Variants in TOPBP1 observed in about 807,000 individuals in gnomAD.
The protein encoded by TOPBP1 is DNA topoisomerase II binding protein 1, also known as DNA topoisomerase 2-binding protein 1.
In TOPBP1, 28 loss-of-function variants were observed where a neutral mutation model predicts 167.7. That is an observed-to-expected ratio of 0.17 (90% confidence interval 0.12 to 0.23). The LOEUF (loss-of-function observed/expected upper bound fraction) is 0.23. Ranked by LOEUF, TOPBP1 falls within the 10% of genes least tolerant of loss-of-function variation. The pLI is 1.00. For synonymous variants in TOPBP1, 598 were observed against 611.4 expected (o/e 0.98, Z 0.32); for missense variants, 1,554 against 1,809.6 (o/e 0.86, Z 2.56).
chr3:133,603,432 G>C lies in TOPBP1; in HGVS notation c.4426-2039C>G, dbSNP rs60654922. Among the ~76,000 whole-genome samples the C allele has an allele frequency of 2.8e-3, 415 of 150,380 alleles. 1 individual carries two copies. Among genetic ancestry groups the C allele is most frequent in the African/African-American group, 9.7e-3 (398 of 40,976 alleles). On this transcript the variant is annotated intron_variant, in intron 27 of 27. Coordinates refer to ENST00000260810, the MANE Select transcript of TOPBP1 (RefSeq NM_007027.4). ...TACATGATGGACTAAACACTCCAAA[G>C]AAAAAAAAAGCAAGGCCCAACTATA... is the stretch of plus-strand genomic sequence containing the variant.
chr3:133,624,334 C>A (rs1169303708), intron 16 of TOPBP1, among the ~76,000 whole-genome samples, 159 bp from the exon 17 acceptor site: 1 of 152,154 alleles, frequency 6.6e-6, no homozygotes, highest in Non-Finnish European at 1.5e-5. Flanking sequence ...CCAAGTGATA[C>A]ATGCCTATAG....
At chr3:133,658,826 C>A (rs1399963087) in intron 3 of TOPBP1, among the ~76,000 whole-genome samples, 190 bp downstream of exon 3, 4 of 151,076 alleles carry the variant, frequency 2.6e-5, no homozygotes, top group African/African-American at 9.9e-5. Context: ...AAAACAAAAA[C>A]AAACAAACAA....
rs143060768 is a variant in TOPBP1 at position 133,642,668 on chromosome 3, C to T, written c.2021+532G>A. ...ATGTCTTGTCCCTTTATTGTGTGAT[C>T]GACTATTGATGTTCAATGCCTAGAT... On this transcript the variant is annotated intron_variant, in intron 12 of 27. Transcript: ENST00000260810. Among the ~76,000 whole-genome samples the T allele has an allele frequency of 2.6e-5, 4 of 152,166 alleles. No individual in the cohort carries two copies. In the East Asian group the frequency reaches 5.8e-4, roughly 22 times the overall value.
chr3:133,652,428 T>C (rs750941148), intron 8 of TOPBP1, 35 bp downstream of exon 8: 2 of 1,605,478 alleles, frequency 1.2e-6, no homozygotes, highest in Non-Finnish European at 1.7e-6. Flanking sequence ...CTAATGTATA[T>C]CATCTACTGC....
chr3:133,646,511 C>T (rs1363105418), intron 10 of TOPBP1, among the ~76,000 whole-genome samples: 1 of 151,840 alleles, frequency 6.6e-6, no homozygotes, highest in African/African-American at 2.4e-5. Context: ...ATTAGCTGGG[C>T]GTGGTGGTGC....
intron 27 of TOPBP1, among the ~76,000 whole-genome samples, chr3:133,603,783 CAAAA>C (rs995452353): frequency 2.0e-5 from 3 of 151,656 alleles, no homozygotes; most frequent in Admixed American, 6.6e-5. Context: ...ACTAAACAAA[CAAAA>C]AAACCCACAT....
intron 6 of TOPBP1, 73 bp downstream of exon 6, chr3:133,655,217 T>C: frequency 1.0e-6 from 1 of 982,708 alleles, no homozygotes; most frequent in Non-Finnish European, 1.3e-6. Context: ...AATAAATAAA[T>C]AAATAAATAA....
chr3:133,628,298 T>C lies in TOPBP1; in HGVS notation c.2804+64A>G, dbSNP rs868101646. The C allele has an allele frequency of 9.3e-6, 13 of 1,401,776 alleles. No individual in the cohort carries two copies. The East Asian group carries it at 2.5e-4, about 27-fold the overall frequency. The allele number at this position is 1,401,776 out of a possible 1,614,324, so 86.8% of individuals were successfully genotyped here. On this transcript the variant is annotated intron_variant, in intron 16 of 27. Transcript: ENST00000260810. Reference sequence around the variant, plus strand: ...AATGTATTCTTGTAGATGCTCACAATAGCTTTAGGTTTCCTTATAAATTTC... The same window carrying C: ...AATGTATTCTTGTAGATGCTCACAACAGCTTTAGGTTTCCTTATAAATTTC...
At chr3:133,632,437 C>A (rs762556456) in intron 14 of TOPBP1, among the ~76,000 whole-genome samples, 1 of 152,018 alleles carries the variant, frequency 6.6e-6, no homozygotes, top group Admixed American at 6.6e-5. Context: ...GAATAAATTA[C>A]TCGGTCTGGG....
intron 5 of TOPBP1, among the ~76,000 whole-genome samples, chr3:133,655,953 G>A (rs139002851): frequency 2.6e-5 from 4 of 152,118 alleles, no homozygotes; most frequent in Non-Finnish European, 5.9e-5. Flanking sequence ...TAATCACATT[G>A]GGAATGAGAG....
At chr3:133,623,062 T>A in intron 19 of TOPBP1, 29 bp downstream of exon 19, 1 of 1,408,964 alleles carries the variant, frequency 7.1e-7, no homozygotes, top group Non-Finnish European at 9.5e-7. Context: ...CAAAAAAAAT[T>A]TTTTTAATTA....
At chr3:133,618,501 T>TA in intron 20 of TOPBP1, 68 bp from the exon 21 acceptor site, 1 of 1,493,940 alleles carries the variant, frequency 6.7e-7, no homozygotes, top group Non-Finnish European at 9.2e-7. Flanking sequence ...ATCCATAAGT[T>TA]AGACCATAAA....
rs1935669860 is a variant in TOPBP1, at chr3:133,636,258, A to G, written c.2520+1618T>C. Among the ~76,000 whole-genome samples, 3 of 152,278 alleles carry G rather than the reference A, an allele frequency of 2.0e-5. 1 individual carries two copies. The South Asian group carries it at 6.2e-4, about 32-fold the overall frequency. Reference sequence around the variant, plus strand: ...CTCTGATGTATATTAATTAAAAATTAAGTTTAAATAAGTGGTGAGTTTTTT... The same window carrying G: ...CTCTGATGTATATTAATTAAAAATTGAGTTTAAATAAGTGGTGAGTTTTTT... On this transcript the variant is annotated intron_variant, in intron 14 of 27. Coordinates refer to ENST00000260810, the MANE Select transcript of TOPBP1 (RefSeq NM_007027.4).
At chr3:133,624,312 G>A in intron 16 of TOPBP1, 137 bp from the exon 17 acceptor site, 1 of 997,818 alleles carries the variant, frequency 1.0e-6, no homozygotes, top group Non-Finnish European at 1.4e-6. Flanking sequence ...CCATTAAAAT[G>A]ACAGGCTCAA....
chr3:133,620,131 C>T (rs775121708), intron 20 of TOPBP1, 24 bp downstream of exon 20: 10 of 1,576,532 alleles, frequency 6.3e-6, no homozygotes, highest in African/African-American at 5.4e-5. Context: ...TCTAGTCTTT[C>T]TGCCATCAGT....
intron 7 of TOPBP1, 73 bp downstream of exon 7, chr3:133,653,272 T>C: frequency 3.7e-6 from 5 of 1,348,282 alleles, no homozygotes; most frequent in Non-Finnish European, 4.9e-6. Flanking sequence ...TCAGTGATCC[T>C]ATTAACATAC....
intron 23 of TOPBP1, among the ~76,000 whole-genome samples, chr3:133,615,471 T>C (rs1387986650): frequency 6.6e-6 from 1 of 152,146 alleles, no homozygotes; most frequent in African/African-American, 2.4e-5. Context: ...AGCAAGACTC[T>C]GTCTCAAAAC....
chr3:133,629,771 ATG>A lies in TOPBP1; in HGVS notation c.2521-1040_2521-1039del, dbSNP rs34019672. Among the ~76,000 whole-genome samples the A allele has an allele frequency of 2.5e-4, 38 of 151,546 alleles. No homozygotes were observed. The East Asian group carries it at 2.5e-3, about 10-fold the overall frequency. On this transcript the variant is annotated intron_variant, in intron 14 of 27. Coordinates refer to ENST00000260810, the MANE Select transcript of TOPBP1 (RefSeq NM_007027.4). Reference sequence around the variant, plus strand: ...ACTGAATGAGGTTAAATATCTTTATATGTGTGTGTGTGTGTATATATATATAT... The same window carrying A: ...ACTGAATGAGGTTAAATATCTTTATATGTGTGTGTGTGTATATATATATAT...
chr3:133,650,538 G>A (rs1261539644), intron 8 of TOPBP1, among the ~76,000 whole-genome samples: 1 of 151,920 alleles, frequency 6.6e-6, no homozygotes, highest in African/African-American at 2.4e-5. Context: ...ATGCTTTGAG[G>A]ATAACATGTA....
Sources: gnomAD v4.1 joint callset for allele counts (sites outside exome capture counted in the v4.1 genomes callset) on GRCh38, gnomAD v4.1.1 for gene constraint, MANE v1.5 for transcripts, NCBI Gene and HGNC (gene_info 2026-07-23, HGNC 2026-07-21) for gene names.